C16orf87: variants seen among roughly 807,000 people sequenced by gnomAD.
The protein encoded by C16orf87 is UPF0547 protein C16orf87.
Under a neutral mutation model 21.0 loss-of-function variants are expected in C16orf87, and 13 were observed. The observed-to-expected ratio is 0.62, with a 90% confidence interval of 0.40 to 0.98. The LOEUF (loss-of-function observed/expected upper bound fraction) is 0.98. C16orf87 is among the 50% of genes least tolerant of loss of function. The pLI is 0.00. For synonymous variants in C16orf87, 49 were observed against 60.2 expected, an observed-to-expected ratio of 0.81 and a Z score of 0.86; for missense variants, 113 against 180.4, an observed-to-expected ratio of 0.63 and a Z score of 2.14.
At chr16:46,830,804 G>T (rs1178314966) in intron 1 of C16orf87, 7 of 303,668 alleles carry the variant, frequency 2.3e-5, no homozygotes, top group Non-Finnish European at 3.6e-5. Flanking sequence ...ACAGCCGCCC[G>T]GTGAGCCCAC....
intron 1 of C16orf87, 133 bp from the exon 2 acceptor site, chr16:46,824,615 C>T: frequency 2.2e-6 from 1 of 446,824 alleles, no homozygotes. Context: ...AACCTCAACT[C>T]CTTACAACAA....
chr16:46,806,419 G>A (rs1034632472), intron 3 of C16orf87, among the ~76,000 whole-genome samples: 1 of 151,896 alleles, frequency 6.6e-6, no homozygotes, highest in African/African-American at 2.4e-5. Context: ...CACCACGCCC[G>A]GCTAATTTTT....
At chr16:46,807,441 A>G (rs1298280512) in intron 3 of C16orf87, among the ~76,000 whole-genome samples, 2 of 151,830 alleles carry the variant, frequency 1.3e-5, no homozygotes, top group Admixed American at 1.3e-4. Context: ...AAAAGCAAGG[A>G]AAGAAAAGAA....
At chr16:46,817,413 G>A (rs1189870380) in intron 2 of C16orf87, among the ~76,000 whole-genome samples, 2 of 152,252 alleles carry the variant, frequency 1.3e-5, no homozygotes, top group South Asian at 2.1e-4. Context: ...GGTACCAGGT[G>A]CAGTGGCTCA....
rs11548481 is a variant in C16orf87 at position 46,831,169 on chromosome 16, G to T, written c.-20C>A. On this transcript the variant is annotated 5_prime_UTR_variant, in exon 1 of 4. Transcript: ENST00000285697. ...AGACATGCTCCTCTCCCTTAGCGGC[G>T]GCAGCAGCGACGGCTCGGGCTCCTC... 10 of 1,551,852 alleles carry T rather than the reference G, an allele frequency of 6.4e-6. No individual in the cohort carries two copies. The highest frequency in any genetic ancestry group is 1.7e-4 in the Middle Eastern group (1 of 5,820).
intron 2 of C16orf87, 60 bp downstream of exon 2, chr16:46,824,326 C>T: frequency 2.5e-6 from 2 of 797,360 alleles, no homozygotes; most frequent in Non-Finnish European, 4.2e-6. Context: ...AGAAACTTCA[C>T]AAAAATTAAC....
chr16:46,829,629 G>A (rs1279644133), intron 1 of C16orf87, among the ~76,000 whole-genome samples: 3 of 152,130 alleles, frequency 2.0e-5, no homozygotes, highest in African/African-American at 7.2e-5. Flanking sequence ...GAGTCATATT[G>A]CAAAGTCCAG....
rs937644125 is a variant in C16orf87 at position 46,800,479 on chromosome 16, A to T, written c.*2473T>A. The T allele has an allele frequency of 8.3e-4, 126 of 152,238 alleles. 4 individuals are homozygous for T. The highest frequency in any genetic ancestry group is 8.2e-3 in the Admixed American group (125 of 15,278). 9.4% of individuals were successfully genotyped at this position (152,238 alleles called of 1,614,324 possible). A position where few individuals can be genotyped will look rare whatever the true frequency, so the allele number is the denominator to read the frequency against. On this transcript the variant is annotated 3_prime_UTR_variant, in exon 4 of 4. Coordinates refer to ENST00000285697, the MANE Select transcript of C16orf87 (RefSeq NM_001001436.4). ...ACAAAAACATTTTGGAATACCATGG[A>T]GTTGAGGCAGGGAGTAACAACTCTC...
rs1967613240 is a variant in C16orf87, at chr16:46,796,620, TTTAC to T, written c.*6328_*6331del. 2.0e-5 allele frequency: 3 copies of T among 152,218 alleles called. No individual in the cohort carries two copies. Among genetic ancestry groups the T allele is most frequent in the African/African-American group, 7.2e-5 (3 of 41,452 alleles). The allele number at this position is 152,218 out of a possible 1,614,324, so 9.4% of individuals were successfully genotyped here. ...CATGATAATGCATATGTTCATTATC[TTTAC>T]TTTAGACATCCTACAATGTGAACAT... On this transcript the variant is annotated 3_prime_UTR_variant, in exon 4 of 4. Transcript: ENST00000285697.
At chr16:46,830,307 A>AGTGT (rs1555479577) in intron 1 of C16orf87, among the ~76,000 whole-genome samples, 7 of 109,240 alleles carry the variant, frequency 6.4e-5, no homozygotes, top group Non-Finnish European at 5.5e-5. Context: ...AGAGAGAGAG[A>AGTGT]GACACACAGA....
intron 2 of C16orf87, among the ~76,000 whole-genome samples, chr16:46,811,137 T>C (rs1423521832): frequency 6.6e-6 from 1 of 151,804 alleles, no homozygotes; most frequent in African/African-American, 2.4e-5. Flanking sequence ...AGAATCAGAG[T>C]ATCAACATTT....
chr16:46,827,240 GAAAACAA>G (rs942989166), intron 1 of C16orf87, among the ~76,000 whole-genome samples: 2 of 151,554 alleles, frequency 1.3e-5, no homozygotes, highest in African/African-American at 4.8e-5. Context: ...CTCTGCCCTG[GAAAACAA>G]AAAACAAAAA....
intron 2 of C16orf87, among the ~76,000 whole-genome samples, chr16:46,812,621 C>T (rs1968125845): frequency 6.6e-6 from 1 of 152,274 alleles, no homozygotes; most frequent in Non-Finnish European, 1.5e-5. Context: ...ATAGATGAAG[C>T]TTTAAATAGT....
At chr16:46,831,062 G>A in intron 1 of C16orf87, 22 bp downstream of exon 1, 1 of 1,555,168 alleles carries the variant, frequency 6.4e-7, no homozygotes, top group African/African-American at 1.4e-5. Flanking sequence ...GCCCGCCCGC[G>A]CGCCCGGCCC....
intron 2 of C16orf87, among the ~76,000 whole-genome samples, chr16:46,810,490 C>CA: frequency 6.6e-6 from 1 of 151,756 alleles, no homozygotes; most frequent in East Asian, 1.9e-4. Flanking sequence ...AAAACAAAAA[C>CA]AAAAAAGATG....
intron 1 of C16orf87, among the ~76,000 whole-genome samples, chr16:46,824,954 A>C (rs1185943861): frequency 1.3e-5 from 2 of 151,976 alleles, no homozygotes; most frequent in Non-Finnish European, 2.9e-5. Context: ...GTGAGCCACC[A>C]CACCCGGCCT....
chr16:46,807,392 G>T (rs112302998), intron 3 of C16orf87, among the ~76,000 whole-genome samples: 22 of 152,010 alleles, frequency 1.4e-4, no homozygotes, highest in African/African-American at 4.3e-4. Flanking sequence ...ACTCCAGCCT[G>T]GGTAACAGAG....
chr16:46,804,163 T>C (rs752238323), intron 3 of C16orf87, among the ~76,000 whole-genome samples: 1 of 152,226 alleles, frequency 6.6e-6, no homozygotes, highest in Non-Finnish European at 1.5e-5. Flanking sequence ...TCAGGATGTT[T>C]ACACGTATCA....
chr16:46,824,124 TGCTAAAA>T (rs1205570369), intron 2 of C16orf87, among the ~76,000 whole-genome samples: 3 of 152,216 alleles, frequency 2.0e-5, no homozygotes, highest in Non-Finnish European at 4.4e-5. Context: ...GTCACTCCCT[TGCTAAAA>T]CCTTTCAATG....
Sources: gnomAD v4.1 joint callset for allele counts (sites outside exome capture counted in the v4.1 genomes callset) on GRCh38, gnomAD v4.1.1 for gene constraint, MANE v1.5 for transcripts, NCBI Gene and HGNC (gene_info 2026-07-23, HGNC 2026-07-21) for gene names.